The following KCNQ5 variants were observed in gnomAD, a reference collection of about 807,000 sequenced individuals.
The protein encoded by KCNQ5 is potassium voltage-gated channel subfamily KQT member 5.
KCNQ5 carries 30 observed loss-of-function variants against 98.2 expected under a neutral mutation model. The observed-to-expected ratio is 0.31, with a 90% CI of 0.23 to 0.41. The LOEUF is 0.41. KCNQ5 is among the 10% of genes least tolerant of loss of function. KCNQ5 has a pLI of 1.00. For missense variants in KCNQ5, 835 were observed against 1,182.5 expected (o/e 0.71, Z 4.31); for synonymous variants, 458 against 449.4 (o/e 1.02, Z -0.24).
intron 1 of KCNQ5, among the ~76,000 whole-genome samples, chr6:72,720,359 G>C (rs1420396190): frequency 6.6e-6 from 1 of 152,108 alleles, no homozygotes; most frequent in African/African-American, 2.4e-5. Context: ...ATGAATTAGT[G>C]CATTTTTTTA....
At chr6:72,758,918 T>C (rs1213704171) in intron 1 of KCNQ5, among the ~76,000 whole-genome samples, 1 of 152,148 alleles carries the variant, frequency 6.6e-6, no homozygotes, top group East Asian at 1.9e-4. Flanking sequence ...TAAAGCCATA[T>C]TAGGAAGAAG....
At chr6:73,103,908 A>C (rs1431867269) in intron 5 of KCNQ5, among the ~76,000 whole-genome samples, 13 of 152,098 alleles carry the variant, frequency 8.5e-5, no homozygotes, top group East Asian at 1.9e-4. Context: ...GGTGATGGAT[A>C]CCCCTTTTAC....
intron 1 of KCNQ5, among the ~76,000 whole-genome samples, chr6:72,865,729 G>A (rs1393322343): frequency 6.6e-6 from 1 of 152,136 alleles, no homozygotes. Flanking sequence ...GACAACTGAA[G>A]ATTACTAATA....
chr6:72,897,028 G>A (rs2150189040), intron 1 of KCNQ5, among the ~76,000 whole-genome samples: 1 of 152,012 alleles, frequency 6.6e-6, no homozygotes, highest in Admixed American at 6.6e-5. Context: ...GTCATCTTAG[G>A]AGGTCATTCC....
intron 1 of KCNQ5, 131 bp from the exon 2 acceptor site, chr6:73,003,777 C>T (rs1402110239): frequency 1.6e-6 from 1 of 621,536 alleles, no homozygotes; most frequent in East Asian, 2.7e-5. Flanking sequence ...TGGCTAGTCC[C>T]TTCCAGAGTT....
intron 1 of KCNQ5, among the ~76,000 whole-genome samples, chr6:72,638,541 A>C (rs565276059): frequency 1.3e-5 from 2 of 152,294 alleles, no homozygotes; most frequent in South Asian, 4.1e-4. Flanking sequence ...AGAAGACAGA[A>C]TATTCCTCTA....
intron 1 of KCNQ5, among the ~76,000 whole-genome samples, chr6:72,981,024 T>C (rs1443895153): frequency 1.3e-5 from 2 of 152,200 alleles, no homozygotes; most frequent in African/African-American, 4.8e-5. Context: ...TTGGTCTTGG[T>C]GGATAAGCTT....
intron 1 of KCNQ5, among the ~76,000 whole-genome samples, chr6:72,840,748 G>A (rs991922344): frequency 2.0e-5 from 3 of 152,196 alleles, no homozygotes; most frequent in Non-Finnish European, 4.4e-5. Flanking sequence ...CTATTTGCCA[G>A]AAACACCTTG....
chr6:72,655,021 TG>T lies in KCNQ5; in HGVS notation c.398+32435del, dbSNP rs1565060027. ...GTTTCCATGTTTAATAGCCAAGGTC[TG>T]TCTGTCTTTCTTTCTTTCTTTCTTT... On this transcript the variant is annotated intron_variant, in intron 1 of 13. Coordinates refer to ENST00000370398, the MANE Select transcript of KCNQ5 (RefSeq NM_019842.4). Among the ~76,000 whole-genome samples, 78 of 122,428 alleles carry T rather than the reference TG, an allele frequency of 6.4e-4. 2 individuals are homozygous for T. The highest frequency in any genetic ancestry group is 4.1e-3 in the Middle Eastern group (1 of 246). 80.3% of individuals were successfully genotyped at this position (122,428 alleles called of 152,430 possible). A position where few individuals can be genotyped will look rare whatever the true frequency, so the allele number is the denominator to read the frequency against.
At chr6:73,073,295 C>G (rs1773375732) in intron 3 of KCNQ5, among the ~76,000 whole-genome samples, 1 of 152,164 alleles carries the variant, frequency 6.6e-6, no homozygotes, top group South Asian at 2.1e-4. Context: ...ATAATATCAT[C>G]TACTACATAG....
chr6:73,003,981 A>C lies in KCNQ5; in HGVS notation c.472A>C (p.Ser158Arg), dbSNP rs906151575. The part of the protein sequence containing the change: ...TIPEHTKLAS[S>R]CLLILEFVMI... ...CCCTGAGCACACAAAATTGGCCTCA[A>C]GTTGCCTCTTGATCCTGGTAAGTGA... The change falls in exon 2 of 14, where the codon AGT becomes CGT. Residue 158 changes from serine to arginine, a missense_variant. Physicochemically the swap from Ser to Arg is moderately radical, Grantham distance 110. This residue lies in a region of KCNQ5 where 20 missense variants were observed against 16.1 expected (regional missense o/e 1.24). Transcript: ENST00000370398. 6.2e-7 allele frequency: 1 copy of C among 1,607,024 alleles called. No homozygotes were observed. Among genetic ancestry groups the C allele is most frequent in the Non-Finnish European group, 8.5e-7 (1 of 1,173,784 alleles).
chr6:73,183,581 A>G (rs1302582181), intron 11 of KCNQ5, among the ~76,000 whole-genome samples: 1 of 152,180 alleles, frequency 6.6e-6, no homozygotes, highest in African/African-American at 2.4e-5. Context: ...AGGCATTCCA[A>G]TGATGACCAG....
intron 1 of KCNQ5, among the ~76,000 whole-genome samples, chr6:72,740,526 A>G (rs1346840323): frequency 6.6e-6 from 1 of 152,192 alleles, no homozygotes; most frequent in Non-Finnish European, 1.5e-5. Context: ...TTCTCAAAGA[A>G]AGATTAAGTC....
intron 1 of KCNQ5, among the ~76,000 whole-genome samples, chr6:72,655,704 T>C (rs1395393549): frequency 6.6e-6 from 1 of 152,042 alleles, no homozygotes; most frequent in African/African-American, 2.4e-5. Flanking sequence ...ATACTGTGAG[T>C]GCTATCATGA....
At chr6:72,626,070 A>G (rs994473231) in intron 1 of KCNQ5, among the ~76,000 whole-genome samples, 1 of 152,230 alleles carries the variant, frequency 6.6e-6, no homozygotes, top group Non-Finnish European at 1.5e-5. Flanking sequence ...AGTGTGTAAT[A>G]TGTGCTAATT....
intron 1 of KCNQ5, among the ~76,000 whole-genome samples, chr6:72,788,803 T>C (rs1170543988): frequency 6.6e-6 from 1 of 152,188 alleles, no homozygotes; most frequent in African/African-American, 2.4e-5. Flanking sequence ...TTCAAAGGCT[T>C]TTTAAGTTTT....
chr6:72,896,305 G>A (rs1240491799), intron 1 of KCNQ5, among the ~76,000 whole-genome samples: 1 of 152,074 alleles, frequency 6.6e-6, no homozygotes, highest in Non-Finnish European at 1.5e-5. Context: ...TTTTAACTTT[G>A]CATGTTGACT....
intron 1 of KCNQ5, among the ~76,000 whole-genome samples, chr6:72,876,361 C>T (rs1778409325): frequency 6.6e-6 from 1 of 151,912 alleles, no homozygotes; most frequent in South Asian, 2.1e-4. Context: ...TTAATGAAAA[C>T]CACAAATTGG....
intron 2 of KCNQ5, among the ~76,000 whole-genome samples, chr6:73,029,072 A>G (rs1356510066): frequency 6.6e-6 from 1 of 152,212 alleles, no homozygotes; most frequent in Non-Finnish European, 1.5e-5. Context: ...GGTGGCAAGC[A>G]GGCAGTGATG....
Sources: gnomAD v4.1 joint callset for allele counts (sites outside exome capture counted in the v4.1 genomes callset) on GRCh38, gnomAD v4.1.1 for gene constraint, gnomAD v4.1.1 regional missense constraint, MANE v1.5 for transcripts, NCBI Gene and HGNC (gene_info 2026-07-23, HGNC 2026-07-21) for gene names.